Variants in IL1RAPL2 observed in about 807,000 individuals in gnomAD.
IL1RAPL2 encodes X-linked interleukin-1 receptor accessory protein-like 2.
A neutral mutation model predicts 44.1 loss-of-function variants in IL1RAPL2; 3 were observed. The ratio of observed to expected loss-of-function variants is 0.07; its 90% CI spans 0.03 to 0.18. The LOEUF is 0.18. IL1RAPL2 is among the 10% of genes least tolerant of loss of function. IL1RAPL2 has a pLI of 1.00. For synonymous variants in IL1RAPL2, 181 were observed against 178.8 expected (o/e 1.01, Z -0.10); for missense variants, 391 against 496.4 (o/e 0.79, Z 2.02).
intron 5 of IL1RAPL2, among the ~76,000 whole-genome samples, chrX:105,332,095 C>A (rs1193044758): frequency 9.1e-6 from 1 of 109,882 alleles, no homozygotes; most frequent in East Asian, 3.0e-4. Context: ...GCAGAAGGTT[C>A]CTGTTGGGGA....
At chrX:104,802,781 A>G (rs978482240) in intron 2 of IL1RAPL2, among the ~76,000 whole-genome samples, 10 of 111,825 alleles carry the variant, frequency 8.9e-5, no homozygotes, top group African/African-American at 3.2e-4. Flanking sequence ...GCAGCTAGGC[A>G]AAAGTTTGAC....
intron 5 of IL1RAPL2, among the ~76,000 whole-genome samples, chrX:105,477,706 A>T (rs2036207080): frequency 3.6e-5 from 4 of 111,739 alleles, no homozygotes. Flanking sequence ...CATGAAAGCT[A>T]TTCCCAAGTC....
chrX:104,956,786 T>C (rs1399653567), intron 2 of IL1RAPL2, among the ~76,000 whole-genome samples: 1 of 111,741 alleles, frequency 8.9e-6, no homozygotes, highest in South Asian at 3.8e-4. Context: ...TACTCTGTCC[T>C]TTTTTCTCAC....
chrX:104,992,523 G>T (rs748526044), intron 2 of IL1RAPL2, among the ~76,000 whole-genome samples: 7 of 111,195 alleles, frequency 6.3e-5, no homozygotes, highest in Non-Finnish European at 1.3e-4. Context: ...GCATAATGTA[G>T]TTGGAGGGCT....
intron 2 of IL1RAPL2, among the ~76,000 whole-genome samples, chrX:105,143,941 G>C (rs958881224): frequency 1.8e-5 from 2 of 109,055 alleles, no homozygotes; most frequent in African/African-American, 6.7e-5. Flanking sequence ...TATATATATG[G>C]AACAAACCTG....
chrX:104,923,545 A>T (rs1391873743), intron 2 of IL1RAPL2, among the ~76,000 whole-genome samples: 2 of 112,036 alleles, frequency 1.8e-5, no homozygotes, highest in Non-Finnish European at 3.8e-5. Flanking sequence ...AGAATTTTAA[A>T]TCCTGCCAAA....
chrX:105,240,075 A>AT (rs1290948296), intron 4 of IL1RAPL2, among the ~76,000 whole-genome samples: 1 of 112,473 alleles, frequency 8.9e-6, no homozygotes, highest in Non-Finnish European at 1.9e-5. Flanking sequence ...GTTATAAACT[A>AT]TTTTAGCAAT....
At chrX:105,694,768 G>A (rs2038063247) in intron 6 of IL1RAPL2, among the ~76,000 whole-genome samples, 1 of 111,342 alleles carries the variant, frequency 9.0e-6, no homozygotes, top group Non-Finnish European at 1.9e-5. Flanking sequence ...TTCCATGTCA[G>A]CTAATATAGA....
chrX:105,510,003 C>G (rs950534541), intron 6 of IL1RAPL2, among the ~76,000 whole-genome samples: 1 of 109,201 alleles, frequency 9.2e-6, no homozygotes, highest in Non-Finnish European at 1.9e-5. Flanking sequence ...AGACCCCTAT[C>G]TCTACAAAAA....
chrX:104,689,648 C>T (rs1423078889), intron 2 of IL1RAPL2, among the ~76,000 whole-genome samples: 1 of 111,642 alleles, frequency 9.0e-6, no homozygotes, highest in Non-Finnish European at 1.9e-5. Context: ...TTTGGTTTTA[C>T]GGGCAAGCAG....
rs184803997 is a variant in IL1RAPL2, at chrX:105,491,275, C to T, written c.772+6888C>T. Among the ~76,000 whole-genome samples, 690 of 109,810 alleles carry T rather than the reference C, an allele frequency of 6.3e-3. 8 individuals carry two copies. The highest frequency in any genetic ancestry group is 0.022 in the African/African-American group (669 of 30,195). ...ATATACACCATGGAATACTATGCAG[C>T]CATAAAAAAGGATGAGTTCATGTCC... On this transcript the variant is annotated intron_variant, in intron 6 of 10. Coordinates refer to ENST00000372582, the MANE Select transcript of IL1RAPL2 (RefSeq NM_017416.2).
At chrX:104,896,234 G>T (rs953666305) in intron 2 of IL1RAPL2, among the ~76,000 whole-genome samples, 3 of 111,849 alleles carry the variant, frequency 2.7e-5, no homozygotes, top group Non-Finnish European at 5.6e-5. Context: ...TAACCTCCTT[G>T]TCAAATTTGT....
chrX:105,665,734 GTTTT>G (rs751379332), intron 6 of IL1RAPL2, among the ~76,000 whole-genome samples: 10 of 62,502 alleles, frequency 1.6e-4, no homozygotes, highest in Non-Finnish European at 3.4e-4. Flanking sequence ...TTGTTTTTTT[GTTTT>G]TTTGTTTTTT....
intron 2 of IL1RAPL2, among the ~76,000 whole-genome samples, chrX:104,771,055 T>G (rs1207254720): frequency 1.8e-5 from 2 of 112,412 alleles, no homozygotes; most frequent in East Asian, 5.6e-4. Context: ...ATTTTGAGCT[T>G]CTTTTTAAAA....
At chrX:104,604,418 C>A (rs1240289944) in intron 1 of IL1RAPL2, among the ~76,000 whole-genome samples, 3 of 110,614 alleles carry the variant, frequency 2.7e-5, no homozygotes, top group African/African-American at 9.9e-5. Flanking sequence ...AAACAACCAG[C>A]TAGTATCATA....
chrX:104,914,180 A>T (rs1924338106), intron 2 of IL1RAPL2, among the ~76,000 whole-genome samples: 1 of 111,545 alleles, frequency 9.0e-6, no homozygotes, highest in Non-Finnish European at 1.9e-5. Context: ...TACTAAAAAC[A>T]AACAAACAAA....
At chrX:105,357,623 A>G (rs1290899688) in intron 5 of IL1RAPL2, among the ~76,000 whole-genome samples, 1 of 109,536 alleles carries the variant, frequency 9.1e-6, no homozygotes, top group African/African-American at 3.4e-5. Context: ...AAATTAAAGC[A>G]TTTATTTGTA....
At chrX:104,971,943 G>T (rs942642123) in intron 2 of IL1RAPL2, among the ~76,000 whole-genome samples, 5 of 111,508 alleles carry the variant, frequency 4.5e-5, no homozygotes, top group African/African-American at 1.6e-4. Flanking sequence ...TGGCTCTCTG[G>T]GAAGTTGGGT....
At chrX:105,551,086 A>C (rs1201522901) in intron 6 of IL1RAPL2, among the ~76,000 whole-genome samples, 1 of 110,853 alleles carries the variant, frequency 9.0e-6, no homozygotes, top group Non-Finnish European at 1.9e-5. Flanking sequence ...ATAGTGGTAG[A>C]ACAGGTCTAT....
Sources: allele counts gnomAD v4.1 joint callset (sites outside exome capture counted in the v4.1 genomes callset), GRCh38; gene constraint gnomAD v4.1.1; transcripts MANE v1.5; gene names NCBI Gene and HGNC (gene_info 2026-07-23, HGNC 2026-07-21).